The following KDM1A variants were observed in gnomAD, a reference collection of about 807,000 sequenced individuals.
KDM1A encodes lysine demethylase 1A.
A neutral mutation model predicts 109.4 loss-of-function variants in KDM1A; 49 were observed. That is an observed-to-expected ratio of 0.45 (90% confidence interval 0.36 to 0.57). KDM1A has a LOEUF of 0.57. Ranked by LOEUF, KDM1A falls within the 20% of genes least tolerant of loss-of-function variation. KDM1A has a pLI of 0.00. For missense variants in KDM1A, 668 were observed against 1,116.6 expected (o/e 0.60, Z 5.73); for synonymous variants, 380 against 415.4 (o/e 0.91, Z 1.04).
chr1:23,059,245 G>A, intron 9 of KDM1A, 78 bp downstream of exon 9: 1 of 975,874 alleles, frequency 1.0e-6, no homozygotes, highest in Non-Finnish European at 1.6e-6. Flanking sequence ...GTATGGATGA[G>A]CATATACATA....
At chr1:23,057,021 T>C (rs1285549433) in intron 7 of KDM1A, among the ~76,000 whole-genome samples, 1 of 151,974 alleles carries the variant, frequency 6.6e-6, no homozygotes, top group Non-Finnish European at 1.5e-5. Context: ...GTCAGAAAAA[T>C]TATCCATCAG....
Position 23,083,528 on chromosome 1 carries a change from T to C in KDM1A, c.*164T>C. ...GACAAAGGAGCTTGCCTCCTTTGAA[T>C]GACCTAGAGCACAGGGAGGAACTTG... On this transcript the variant is annotated 3_prime_UTR_variant, in exon 21 of 21. Transcript: ENST00000400181. The C allele has an allele frequency of 3.3e-6, 2 of 615,072 alleles. No individual in the cohort carries two copies. Among genetic ancestry groups the C allele is most frequent in the Non-Finnish European group, 5.5e-6 (2 of 364,710 alleles). The allele number at this position is 615,072 out of a possible 1,614,324, so 38.1% of individuals were successfully genotyped here. A position where few individuals can be genotyped will look rare whatever the true frequency, so the allele number is the denominator to read the frequency against.
At chr1:23,055,418 T>TA (rs552968204) in intron 6 of KDM1A, 89 of 230,970 alleles carry the variant, frequency 3.9e-4, no homozygotes, top group Middle Eastern at 1.5e-3. Context: ...ATTTCCAATT[T>TA]AAAAAAAAGA....
Position 23,068,635 on chromosome 1 carries a change from A to C in KDM1A, c.1276A>C (p.Asn426His), listed in dbSNP as rs755756173. 6.2e-7 allele frequency: 1 copy of C among 1,603,782 alleles called. No homozygotes were observed. The highest frequency in any genetic ancestry group is 2.3e-5 in the East Asian group (1 of 44,440). ...LSHQLDFNVLNNKPVSLGQAL... is the reference protein window; with the variant it reads ...LSHQLDFNVLHNKPVSLGQAL... ...TCATCAACTAGACTTCAATGTCCTC[A>C]ATAATAAGCCTGTGTCCCTTGGCCA... Residue 426 changes from asparagine to histidine, a missense_variant, in exon 11 of 21, where the codon AAT (asparagine) becomes CAT (histidine). Around this residue, in one of 8 missense-constraint regions of KDM1A, gnomAD observed 62 missense variants for 82.8 expected, o/e 0.75. Coordinates refer to ENST00000400181, the MANE Select transcript of KDM1A (RefSeq NM_001009999.3).
In KDM1A at chr1:23,060,570, C is replaced by CT. The variant is rs1642970448; in HGVS notation, c.1167+1404dup. Among the ~76,000 whole-genome samples the CT allele has an allele frequency of 2.6e-5, 4 of 152,238 alleles. No homozygotes were observed. The South Asian group carries it at 8.3e-4, about 32-fold the overall frequency. On this transcript the variant is annotated intron_variant, in intron 9 of 20. Coordinates refer to ENST00000400181, the MANE Select transcript of KDM1A (RefSeq NM_001009999.3). ...GTATGAAGGTGTAAGGGAAAGGACA[C>CT]TAAGAGATCTGGAGGGAAGGAGAGC...
intron 1 of KDM1A, among the ~76,000 whole-genome samples, chr1:23,022,994 T>A (rs915526334): frequency 3.3e-4 from 51 of 152,338 alleles, no homozygotes; most frequent in African/African-American, 1.2e-3. Context: ...TGTTTGTCTT[T>A]TACTGTAGCC....
Position 23,083,647 on chromosome 1 carries a change from G to T in KDM1A, c.*283G>T, listed in dbSNP as rs12139776. 147,554 of 200,068 alleles carry T rather than the reference G, an allele frequency of 0.74. 54,603 individuals carry two copies. Among genetic ancestry groups the T allele is most frequent in the Non-Finnish European group, 0.79 (80,282 of 101,096 alleles). The allele number at this position is 200,068 out of a possible 1,614,324, so 12.4% of individuals were successfully genotyped here. ...TAGTCCCTTGGTGTGTGGGGTTTTT[G>T]TTTTTTTTTTATATTTTGAGAATAA... On this transcript the variant is annotated 3_prime_UTR_variant, in exon 21 of 21. Transcript: ENST00000400181.
chr1:23,082,941 A>G, intron 20 of KDM1A: 1 of 417,370 alleles, frequency 2.4e-6, no homozygotes, highest in Non-Finnish European at 4.4e-6. Context: ...ACTGATGAGA[A>G]CACATGTTAA....
intron 1 of KDM1A, among the ~76,000 whole-genome samples, chr1:23,022,460 C>G (rs1366893122): frequency 6.6e-6 from 1 of 151,574 alleles, no homozygotes; most frequent in Admixed American, 6.6e-5. Context: ...CTCAGCCTCC[C>G]GAGTAGCTGG....
In KDM1A at chr1:23,063,588, A is replaced by G. The variant is rs75111693; in HGVS notation, c.1168-2472A>G. On this transcript the variant is annotated intron_variant, in intron 9 of 20. Coordinates refer to ENST00000400181, the MANE Select transcript of KDM1A (RefSeq NM_001009999.3). ...CCTTTGAAATCATTACTGCCAATCC[A>G]TGCTTATTTATAAATGTAAAAATCT... 2.3e-3 allele frequency among the ~76,000 whole-genome samples: 344 copies of G among 152,282 alleles called. 2 individuals carry two copies. The highest frequency in any genetic ancestry group is 3.7e-3 in the Non-Finnish European group (251 of 68,010).
At chr1:23,023,074 G>C (rs1393669532) in intron 1 of KDM1A, among the ~76,000 whole-genome samples, 1 of 151,984 alleles carries the variant, frequency 6.6e-6, no homozygotes, top group Non-Finnish European at 1.5e-5. Context: ...TAATGATGTT[G>C]GGCATCTTTT....
intron 2 of KDM1A, among the ~76,000 whole-genome samples, chr1:23,042,405 A>G (rs1281629876): frequency 3.4e-5 from 5 of 146,396 alleles, no homozygotes; most frequent in Admixed American, 3.4e-4. Flanking sequence ...AAACGAAACA[A>G]TGGCAACATT....
intron 2 of KDM1A, among the ~76,000 whole-genome samples, chr1:23,032,326 T>A (rs754618620): frequency 2.6e-5 from 4 of 152,068 alleles, no homozygotes; most frequent in Non-Finnish European, 5.9e-5. Context: ...TTAAACCATG[T>A]GTTGGTGTTG....
intron 2 of KDM1A, among the ~76,000 whole-genome samples, chr1:23,032,769 G>A (rs922393923): frequency 3.3e-5 from 5 of 152,114 alleles, no homozygotes; most frequent in African/African-American, 1.2e-4. Context: ...ATATTATCAG[G>A]TGAGTTAAAT....
chr1:23,024,756 T>C (rs918044867), intron 1 of KDM1A, among the ~76,000 whole-genome samples: 2 of 152,258 alleles, frequency 1.3e-5, no homozygotes, highest in African/African-American at 4.8e-5. Context: ...GGGTGGACTT[T>C]TTGGAGTTTA....
At position 23,074,418 on chromosome 1, in the gene KDM1A, T is replaced by C. The variant is rs1643404797; in HGVS notation, c.1734+1015T>C. 2.0e-5 allele frequency among the ~76,000 whole-genome samples: 3 copies of C among 152,230 alleles called. No homozygotes were observed. The South Asian group carries it at 6.2e-4, about 32-fold the overall frequency. On this transcript the variant is annotated intron_variant, in intron 15 of 20. Transcript: ENST00000400181. ...TGGCTTGTCTTTAATTTTCTAAATCTGTCTCAAAGAGTAAAAGTTTTTACT... is the reference window on the plus strand; with the variant it reads ...TGGCTTGTCTTTAATTTTCTAAATCCGTCTCAAAGAGTAAAAGTTTTTACT...
chr1:23,059,730 CTG>C (rs1642945863), intron 9 of KDM1A, among the ~76,000 whole-genome samples: 1 of 152,122 alleles, frequency 6.6e-6, no homozygotes, highest in South Asian at 2.1e-4. Flanking sequence ...AGTTTAATGA[CTG>C]TAAGATAAGC....
rs193218386 is a variant in KDM1A, at chr1:23,075,862, G to A, written c.1735-1366G>A. 7.0e-4 allele frequency among the ~76,000 whole-genome samples: 107 copies of A among 151,874 alleles called. 1 individual carries two copies. Among genetic ancestry groups the A allele is most frequent in the African/African-American group, 2.5e-3 (103 of 41,416 alleles). ...CTTGGGAGACTGAGGCAAGAGAATC[G>A]CTTGAACCCAGGAGGCGGAGGTTGC... On this transcript the variant is annotated intron_variant, in intron 15 of 20. Coordinates refer to ENST00000400181, the MANE Select transcript of KDM1A (RefSeq NM_001009999.3).
At chr1:23,049,108 CG>C (rs547759832) in intron 3 of KDM1A, among the ~76,000 whole-genome samples, 23 of 137,922 alleles carry the variant, frequency 1.7e-4, no homozygotes, top group African/African-American at 6.0e-4. Flanking sequence ...GCCGAGATCG[CG>C]CTACTGCACT....
Sources: gnomAD v4.1 joint callset for allele counts (sites outside exome capture counted in the v4.1 genomes callset) on GRCh38, gnomAD v4.1.1 for gene constraint, gnomAD v4.1.1 regional missense constraint, MANE v1.5 for transcripts, NCBI Gene and HGNC (gene_info 2026-07-23, HGNC 2026-07-21) for gene names.